The following TRIB1 variants were observed in gnomAD, a reference collection of about 807,000 sequenced individuals.
TRIB1 encodes the protein tribbles pseudokinase 1.
In TRIB1, 12 loss-of-function variants were observed where a neutral mutation model predicts 27.8. The observed-to-expected ratio is 0.43, with a 90% CI of 0.28 to 0.70. The LOEUF is 0.70. Among genes scored for constraint, TRIB1 ranks in the 30% least tolerant of loss-of-function variants. TRIB1 has a pLI of 0.18. For missense variants in TRIB1, 475 were observed against 515.8 expected, an observed-to-expected ratio of 0.92 and a Z score of 0.77; for synonymous variants, 230 against 224.9, an observed-to-expected ratio of 1.02 and a Z score of -0.20.
Position 125,436,598 on chromosome 8 carries a change from C to A in TRIB1, c.*127C>A. ...TCAGGATGAAAGCTGCTGAACTCGG[C>A]ATGGCGCCTCCTCTTCTCTGTTGGG... On this transcript the variant is annotated 3_prime_UTR_variant, in exon 3 of 3. Transcript: ENST00000311922. The A allele has an allele frequency of 1.2e-6, 1 of 856,562 alleles. No homozygotes were observed. Among genetic ancestry groups the A allele is most frequent in the Non-Finnish European group, 1.8e-6 (1 of 558,258 alleles). 53.1% of individuals were successfully genotyped at this position (856,562 alleles called of 1,614,324 possible).
chr8:125,436,444 C>T lies in TRIB1; in HGVS notation c.1092C>T (p.Asp364=), dbSNP rs754870885. The stretch of plus-strand genomic sequence containing the variant: ...AGATTGTTCCAGAGTACCAGGAGGA[C>T]AGTGACATTAGTTCCTTCTTCTGCT... ...SDQIVPEYQE[D]SDISSFFC Residue 364 remains aspartate, a synonymous_variant, in exon 3 of 3, where the codon GAC becomes GAT. Coordinates refer to ENST00000311922, the MANE Select transcript of TRIB1 (RefSeq NM_025195.4). 7.4e-6 allele frequency: 12 copies of T among 1,613,844 alleles called. No homozygotes were observed. The highest frequency in any genetic ancestry group is 1.0e-5 in the Non-Finnish European group (12 of 1,179,978).
In TRIB1 at chr8:125,431,230, T is replaced by G. The variant is rs905975357; in HGVS notation, c.328T>G (p.Cys110Gly). Reference protein sequence around the residue: ...AEREHVSRALCIHTGRELRCK... With the variant: ...AEREHVSRALGIHTGRELRCK... ...GCGCGAGCATGTGTCCCGGGCGCTG[T>G]GCATCCACACTGGACGCGAGCTGCG... Residue 110 changes from cysteine to glycine, a missense_variant, in exon 1 of 3, where the codon TGC (cysteine) becomes GGC (glycine). Transcript: ENST00000311922. 1 of 1,273,432 alleles carries G rather than the reference T, an allele frequency of 7.9e-7. No homozygotes were observed. Among genetic ancestry groups the G allele is most frequent in the Non-Finnish European group, 9.9e-7 (1 of 1,011,294 alleles). The allele number at this position is 1,273,432 out of a possible 1,614,324, so 78.9% of individuals were successfully genotyped here. A position where few individuals can be genotyped will look rare whatever the true frequency, so the allele number is the denominator to read the frequency against.
Position 125,430,671 on chromosome 8 carries a change from G to C in TRIB1, c.-232G>C, listed in dbSNP as rs1431270331. ...GGAGCCCTTGCCTGCGGGGGTCCGGGGACTCGAGCCGGCCTCCGCCTCCCG... is the reference window on the plus strand; with the variant it reads ...GGAGCCCTTGCCTGCGGGGGTCCGGCGACTCGAGCCGGCCTCCGCCTCCCG... On this transcript the variant is annotated 5_prime_UTR_variant, in exon 1 of 3. Transcript: ENST00000311922. 16 of 440,082 alleles carry C rather than the reference G, an allele frequency of 3.6e-5. No individual in the cohort carries two copies. The highest frequency in any genetic ancestry group is 5.3e-5 in the Non-Finnish European group (14 of 263,762). The allele number at this position is 440,082 out of a possible 1,614,324, so 27.3% of individuals were successfully genotyped here.
chr8:125,431,346 G>T, intron 1 of TRIB1, 84 bp downstream of exon 1: 1 of 1,230,008 alleles, frequency 8.1e-7, no homozygotes. Context: ...TCCGGCCAAC[G>T]CTTGGGCTGG....
At position 125,437,022 on chromosome 8, in the gene TRIB1, GCA is replaced by G. The variant is rs1360757259; in HGVS notation, c.*552_*553del. The stretch of plus-strand genomic sequence containing the variant: ...CCAATGACTCTGCTCCGTTTTTGGA[GCA>G]GACTGTTTTAAGTTGCTCAGGAGCC... On this transcript the variant is annotated 3_prime_UTR_variant, in exon 3 of 3. Coordinates refer to ENST00000311922, the MANE Select transcript of TRIB1 (RefSeq NM_025195.4). The G allele has an allele frequency of 3.1e-5, 5 of 162,964 alleles. No individual in the cohort carries two copies. Among genetic ancestry groups the G allele is most frequent in the Admixed American group, 1.8e-4 (3 of 17,080 alleles). 10.1% of individuals were successfully genotyped at this position (162,964 alleles called of 1,614,324 possible).
chr8:125,431,164 C>A lies in TRIB1; in HGVS notation c.262C>A (p.Pro88Thr). 7.7e-7 allele frequency: 1 copy of A among 1,303,784 alleles called. No individual in the cohort carries two copies. The highest frequency in any genetic ancestry group is 2.4e-5 in the South Asian group (1 of 41,140). The allele number at this position is 1,303,784 out of a possible 1,614,324, so 80.8% of individuals were successfully genotyped here. A position where few individuals can be genotyped will look rare whatever the true frequency, so the allele number is the denominator to read the frequency against. Residue 88 changes from proline to threonine, a missense_variant, in exon 1 of 3, where the codon CCC (proline) becomes ACC (threonine). Transcript: ENST00000311922. ...CGGAGGCTCCGGGAGCGCGCCGGGG[C>A]CCAGCCGCATCGCCGACTACCTGCT... ...AGGGSGSAPG[P>T]SRIADYLLLP...
intron 2 of TRIB1, among the ~76,000 whole-genome samples, chr8:125,434,185 G>A (rs894283122): frequency 6.6e-6 from 1 of 152,192 alleles, no homozygotes; most frequent in African/African-American, 2.4e-5. Context: ...ATGGAAGTTG[G>A]TTAGGATGGA....
chr8:125,431,073 G>A lies in TRIB1; in HGVS notation c.171G>A (p.Pro57=). 2.1e-6 allele frequency: 3 copies of A among 1,428,546 alleles called. No individual in the cohort carries two copies. Among genetic ancestry groups the A allele is most frequent in the South Asian group, 1.4e-5 (1 of 70,280 alleles). The allele number at this position is 1,428,546 out of a possible 1,614,324, so 88.5% of individuals were successfully genotyped here. A position where few individuals can be genotyped will look rare whatever the true frequency, so the allele number is the denominator to read the frequency against. Residue 57 remains proline (P), a synonymous_variant, in exon 1 of 3, where the codon CCG becomes CCA. Coordinates refer to ENST00000311922, the MANE Select transcript of TRIB1 (RefSeq NM_025195.4). ...GCCTCTCCGAGTGCTCCAGCCCCCCGGACTACCTCAGCCCCCCCGGCTCGC... is the reference window on the plus strand; with the variant it reads ...GCCTCTCCGAGTGCTCCAGCCCCCCAGACTACCTCAGCCCCCCCGGCTCGC... The part of the protein sequence containing the change: ...CPRLSECSSP[P]DYLSPPGSPC...
At chr8:125,435,377 C>T (rs1430062606) in intron 2 of TRIB1, among the ~76,000 whole-genome samples, 2 of 152,106 alleles carry the variant, frequency 1.3e-5, no homozygotes, top group African/African-American at 2.4e-5. Context: ...AGTTAAACAC[C>T]CCAATAAATG....
In TRIB1 at chr8:125,431,278, C is replaced by T; in HGVS notation, c.360+16C>T. The T allele has an allele frequency of 4.0e-6, 5 of 1,254,502 alleles. No homozygotes were observed. In the South Asian group the frequency reaches 1.3e-4, roughly 33 times the overall value. The allele number at this position is 1,254,502 out of a possible 1,614,324, so 77.7% of individuals were successfully genotyped here. Reference sequence around the variant, plus strand: ...GCGCTGCAAGGTAGGCGCTCCCGGGCCAGGACCCGGCTGGGGTCGGGGGCG... The same window carrying T: ...GCGCTGCAAGGTAGGCGCTCCCGGGTCAGGACCCGGCTGGGGTCGGGGGCG... On this transcript the variant is annotated intron_variant, in intron 1 of 2. Coordinates refer to ENST00000311922, the MANE Select transcript of TRIB1 (RefSeq NM_025195.4).
chr8:125,433,398 G>C lies in TRIB1; in HGVS notation c.442G>C (p.Glu148Gln). The C allele has an allele frequency of 3.7e-6, 6 of 1,614,230 alleles. No individual in the cohort carries two copies. Among genetic ancestry groups the C allele is most frequent in the Non-Finnish European group, 5.1e-6 (6 of 1,180,050 alleles). ...PSHSNITGIV[E>Q]VILGETKAYV... ...GCACAGCAACATTACTGGCATTGTGGAAGTGATCCTTGGGGAAACCAAGGC... is the reference window on the plus strand; with the variant it reads ...GCACAGCAACATTACTGGCATTGTGCAAGTGATCCTTGGGGAAACCAAGGC... The change falls in exon 2 of 3, where the codon GAA becomes CAA. Residue 148 changes from glutamate to glutamine, a missense_variant. By Grantham distance (29) the Glu-to-Gln change is conservative (BLOSUM62 2). Coordinates refer to ENST00000311922, the MANE Select transcript of TRIB1 (RefSeq NM_025195.4). This position sits in a 1 kb window ranked among gnomAD's most constrained non-coding sequence, Gnocchi z 4.4.
Position 125,430,601 on chromosome 8 carries a change from GC to G in TRIB1, c.-301del. The G allele has an allele frequency of 9.9e-6, 3 of 301,998 alleles. No homozygotes were observed. Among genetic ancestry groups the G allele is most frequent in the Non-Finnish European group, 1.8e-5 (3 of 162,760 alleles). 18.7% of individuals were successfully genotyped at this position (301,998 alleles called of 1,614,324 possible). Reference sequence around the variant, plus strand: ...GCCGCCTCTGCCTCCCGGACTATCGGCAGCCTCGGCAACAATAGTGGCGGCC... The same window carrying G: ...GCCGCCTCTGCCTCCCGGACTATCGGAGCCTCGGCAACAATAGTGGCGGCC... On this transcript the variant is annotated 5_prime_UTR_variant, in exon 1 of 3. Coordinates refer to ENST00000311922, the MANE Select transcript of TRIB1 (RefSeq NM_025195.4).
chr8:125,430,722 G>C lies in TRIB1; in HGVS notation c.-181G>C. The C allele has an allele frequency of 1.3e-6, 1 of 785,986 alleles. No homozygotes were observed. Among genetic ancestry groups the C allele is most frequent in the Non-Finnish European group, 1.8e-6 (1 of 568,988 alleles). 48.7% of individuals were successfully genotyped at this position (785,986 alleles called of 1,614,324 possible). A position where few individuals can be genotyped will look rare whatever the true frequency, so the allele number is the denominator to read the frequency against. ...GACGCACAGCCAGCGTGGTCCCCGC[G>C]TGCAACGCGAGCGCCGGGGAGTGGC... On this transcript the variant is annotated 5_prime_UTR_variant, in exon 1 of 3. Coordinates refer to ENST00000311922, the MANE Select transcript of TRIB1 (RefSeq NM_025195.4).
chr8:125,431,875 G>A (rs566856586), intron 1 of TRIB1, among the ~76,000 whole-genome samples: 1 of 152,326 alleles, frequency 6.6e-6, no homozygotes, highest in Non-Finnish European at 1.5e-5. Context: ...ATGTTGAAAA[G>A]CCCACACCGG....
chr8:125,431,401 A>G, intron 1 of TRIB1, 139 bp downstream of exon 1: 1 of 970,252 alleles, frequency 1.0e-6, no homozygotes, highest in Non-Finnish European at 1.3e-6. Context: ...ACGCCATTTG[A>G]CCAGGTTCAC....
chr8:125,433,206 TACTC>T lies in TRIB1; in HGVS notation c.361-108_361-105del. 2 of 1,170,506 alleles carry T rather than the reference TACTC, an allele frequency of 1.7e-6. No individual in the cohort carries two copies. The highest frequency in any genetic ancestry group is 2.2e-5 in the Admixed American group (1 of 46,068). The allele number at this position is 1,170,506 out of a possible 1,614,324, so 72.5% of individuals were successfully genotyped here. A position where few individuals can be genotyped will look rare whatever the true frequency, so the allele number is the denominator to read the frequency against. Reference sequence around the variant, plus strand: ...AGGAAAGGAGTAGGTGAATGGAACTTACTCACATCCTAAGCCCACAGGTTGAGAA... The same window carrying T: ...AGGAAAGGAGTAGGTGAATGGAACTTACATCCTAAGCCCACAGGTTGAGAA... On this transcript the variant is annotated intron_variant, in intron 1 of 2. Transcript: ENST00000311922. This position sits in a 1 kb window ranked among gnomAD's most constrained non-coding sequence, Gnocchi z 4.4.
At position 125,433,657 on chromosome 8, in the gene TRIB1, G is replaced by A. The variant is rs7833718; in HGVS notation, c.653+48G>A. 23,903 of 1,582,418 alleles carry A rather than the reference G, an allele frequency of 0.015. 562 individuals carry two copies. The highest frequency in any genetic ancestry group is 0.11 in the African/African-American group (8,004 of 74,284). ...CCTGTGGCCTTTTGGAACCAAAGCG[G>A]AGGTGCAGGTCATGTAGTTAGGTGC... On this transcript the variant is annotated intron_variant, in intron 2 of 2. Transcript: ENST00000311922. This position sits in a 1 kb window ranked among gnomAD's most constrained non-coding sequence, Gnocchi z 4.4.
At position 125,433,694 on chromosome 8, in the gene TRIB1, G is replaced by A; in HGVS notation, c.653+85G>A. 1 of 1,474,158 alleles carries A rather than the reference G, an allele frequency of 6.8e-7. No individual in the cohort carries two copies. 91.3% of individuals were successfully genotyped at this position (1,474,158 alleles called of 1,614,324 possible). ...ATGTAGTTAGGTGCTGTGTGTTGGTGCAAAACAAAGTCAAGGGCTCATATG... is the reference window on the plus strand; with the variant it reads ...ATGTAGTTAGGTGCTGTGTGTTGGTACAAAACAAAGTCAAGGGCTCATATG... On this transcript the variant is annotated intron_variant, in intron 2 of 2. Transcript: ENST00000311922. This position sits in a 1 kb window ranked among gnomAD's most constrained non-coding sequence, Gnocchi z 4.4.
chr8:125,436,144 T>G lies in TRIB1; in HGVS notation c.792T>G (p.Ala264=), dbSNP rs754542432. The G allele has an allele frequency of 1.2e-6, 2 of 1,614,158 alleles. No homozygotes were observed. Among genetic ancestry groups the G allele is most frequent in the Non-Finnish European group, 1.7e-6 (2 of 1,180,022 alleles). Residue 264 remains alanine (A), a synonymous_variant, in exon 3 of 3, where the codon GCT becomes GCG. Transcript: ENST00000311922. ...LNTTGTYSGK[A]ADVWSLGVML... is the part of the protein sequence containing the mutation. ...CCACTGGGACCTACTCCGGAAAGGCTGCGGACGTTTGGAGCCTGGGGGTGA... is the reference window on the plus strand; with the variant it reads ...CCACTGGGACCTACTCCGGAAAGGCGGCGGACGTTTGGAGCCTGGGGGTGA...
Sources: allele counts gnomAD v4.1 joint callset (sites outside exome capture counted in the v4.1 genomes callset), GRCh38; gene constraint gnomAD v4.1.1; non-coding constraint Gnocchi (gnomAD v3.1); transcripts MANE v1.5; gene names NCBI Gene and HGNC (gene_info 2026-07-23, HGNC 2026-07-21).